Variants in KCNQ5 observed in about 807,000 individuals in gnomAD.
The protein encoded by KCNQ5 is potassium voltage-gated channel subfamily Q member 5.
A neutral mutation model predicts 98.2 loss-of-function variants in KCNQ5; 30 were observed. The ratio of observed to expected loss-of-function variants is 0.31; its 90% CI spans 0.23 to 0.41. KCNQ5 has a LOEUF of 0.41. Ranked by LOEUF, KCNQ5 falls within the 10% of genes least tolerant of loss-of-function variation. The pLI is 1.00. For synonymous variants in KCNQ5, 458 were observed against 449.4 expected (o/e 1.02, Z -0.24); for missense variants, 835 against 1,182.5 (o/e 0.71, Z 4.31).
intron 2 of KCNQ5, among the ~76,000 whole-genome samples, chr6:73,020,400 G>C (rs1439095627): frequency 6.6e-6 from 1 of 151,284 alleles, no homozygotes; most frequent in Non-Finnish European, 1.5e-5. Flanking sequence ...TACAGATGAA[G>C]AGATGCATAG....
intron 1 of KCNQ5, among the ~76,000 whole-genome samples, chr6:72,631,499 C>T (rs2098920771): frequency 1.3e-5 from 2 of 148,646 alleles, no homozygotes; most frequent in East Asian, 3.9e-4. Context: ...GAGAGAGTTT[C>T]AAAAAAAAAT....
intron 1 of KCNQ5, among the ~76,000 whole-genome samples, chr6:72,994,627 G>A (rs1358440963): frequency 6.6e-6 from 1 of 151,170 alleles, no homozygotes; most frequent in Admixed American, 6.6e-5. Context: ...CTTCTGCGTC[G>A]CTCACGCTGG....
chr6:73,148,640 T>C (rs1777017333), intron 10 of KCNQ5, among the ~76,000 whole-genome samples: 2 of 152,260 alleles, frequency 1.3e-5, no homozygotes, highest in Non-Finnish European at 2.9e-5. Flanking sequence ...ATCAACCATA[T>C]ACTAAAAGTT....
intron 1 of KCNQ5, among the ~76,000 whole-genome samples, chr6:72,998,727 A>T (rs1473551900): frequency 1.3e-5 from 2 of 150,310 alleles, no homozygotes; most frequent in Non-Finnish European, 3.0e-5. Flanking sequence ...ACAGAGTGAG[A>T]CTCCATCTCA....
chr6:73,112,547 G>C (rs151231345), intron 7 of KCNQ5, among the ~76,000 whole-genome samples: 3 of 152,076 alleles, frequency 2.0e-5, no homozygotes, highest in Admixed American at 1.3e-4. Flanking sequence ...GGGTTTCACC[G>C]TGTTAGCCAG....
At chr6:72,734,889 C>T (rs1263093007) in intron 1 of KCNQ5, among the ~76,000 whole-genome samples, 1 of 152,178 alleles carries the variant, frequency 6.6e-6, no homozygotes, top group African/African-American at 2.4e-5. Context: ...CTTGTTAACT[C>T]TACTTCTATG....
At chr6:73,188,069 C>T (rs1403435505) in intron 11 of KCNQ5, among the ~76,000 whole-genome samples, 1 of 152,214 alleles carries the variant, frequency 6.6e-6, no homozygotes, top group African/African-American at 2.4e-5. Flanking sequence ...TATGCTGTAG[C>T]TTGCGCCTCT....
chr6:72,845,702 T>C (rs1562020666), intron 1 of KCNQ5, among the ~76,000 whole-genome samples: 1 of 152,360 alleles, frequency 6.6e-6, no homozygotes, highest in South Asian at 2.1e-4. Flanking sequence ...TAGAGGATTT[T>C]ATATTCATGT....
chr6:72,835,803 C>T (rs1776479942), intron 1 of KCNQ5, among the ~76,000 whole-genome samples: 1 of 152,194 alleles, frequency 6.6e-6, no homozygotes, highest in Admixed American at 6.5e-5. Context: ...TTACGCTACA[C>T]TCAGTACTCA....
At chr6:73,159,982 G>A (rs918446217) in intron 10 of KCNQ5, among the ~76,000 whole-genome samples, 10 of 148,768 alleles carry the variant, frequency 6.7e-5, no homozygotes, top group African/African-American at 2.6e-4. Context: ...AAGTGTTTCC[G>A]CTATGGTTTT....
At chr6:73,168,667 G>A (rs1276986604) in intron 10 of KCNQ5, among the ~76,000 whole-genome samples, 2 of 151,282 alleles carry the variant, frequency 1.3e-5, no homozygotes, top group Admixed American at 6.6e-5. Context: ...GAGCCAGATC[G>A]CACCACTGCA....
chr6:73,087,712 G>A (rs145816025), intron 5 of KCNQ5, among the ~76,000 whole-genome samples: 187 of 152,236 alleles, frequency 1.2e-3, no homozygotes, highest in African/African-American at 4.4e-3. Flanking sequence ...GGTTGAAAAG[G>A]GTAAGAGGAG....
intron 1 of KCNQ5, among the ~76,000 whole-genome samples, chr6:72,686,571 G>C (rs1269409794): frequency 6.6e-6 from 1 of 151,902 alleles, no homozygotes; most frequent in East Asian, 1.9e-4. Flanking sequence ...AAATACTTTT[G>C]CCAGTTTGTC....
At chr6:72,673,383 C>T (rs756349769) in intron 1 of KCNQ5, among the ~76,000 whole-genome samples, 1 of 152,104 alleles carries the variant, frequency 6.6e-6, no homozygotes, top group Non-Finnish European at 1.5e-5. Flanking sequence ...CTTTACTTTT[C>T]CTTGGAAAGT....
At chr6:72,772,295 A>G (rs1408677638) in intron 1 of KCNQ5, among the ~76,000 whole-genome samples, 1 of 152,164 alleles carries the variant, frequency 6.6e-6, no homozygotes, top group Admixed American at 6.6e-5. Flanking sequence ...AACCATTGCA[A>G]TAGCCTCTAA....
chr6:72,661,335 CT>C (rs1766514183), intron 1 of KCNQ5, among the ~76,000 whole-genome samples: 1 of 152,008 alleles, frequency 6.6e-6, no homozygotes, highest in Admixed American at 6.6e-5. Flanking sequence ...CATAGTTTTT[CT>C]TTAGTCCTAT....
chr6:72,961,495 G>A (rs886853713), intron 1 of KCNQ5, among the ~76,000 whole-genome samples: 15 of 151,966 alleles, frequency 9.9e-5, no homozygotes, highest in Non-Finnish European at 1.9e-4. Flanking sequence ...GGTGGCGGGC[G>A]CCTGTAGTCC....
intron 1 of KCNQ5, among the ~76,000 whole-genome samples, chr6:72,775,574 AG>A (rs756253272): frequency 0.6 from 90,483 of 151,984 alleles, 26,961 homozygotes; most frequent in Admixed American, 0.63. Flanking sequence ...TATGGACAGG[AG>A]GGGAGAAAAA....
chr6:72,737,771 C>A (rs936100103), intron 1 of KCNQ5, among the ~76,000 whole-genome samples: 8 of 152,200 alleles, frequency 5.3e-5, no homozygotes, highest in African/African-American at 1.9e-4. Context: ...AGTATTGTTT[C>A]ATGAAACTTG....
Sources: gnomAD v4.1 joint callset for allele counts (sites outside exome capture counted in the v4.1 genomes callset) on GRCh38, gnomAD v4.1.1 for gene constraint, MANE v1.5 for transcripts, NCBI Gene and HGNC (gene_info 2026-07-23, HGNC 2026-07-21) for gene names.